MYO3A: variants seen among roughly 807,000 people sequenced by gnomAD.
MYO3A encodes myosin IIIA, also known as myosin-IIIa.
A neutral mutation model predicts 192.7 loss-of-function variants in MYO3A; 180 were observed. The observed-to-expected ratio is 0.93, with a 90% CI of 0.83 to 1.06. The LOEUF (loss-of-function observed/expected upper bound fraction) is 1.06, where lower values mean the gene tolerates loss of function less well. MYO3A is among the 50% of genes least tolerant of loss of function. MYO3A has a pLI of 0.00. For synonymous variants in MYO3A, 628 were observed against 645.3 expected, an observed-to-expected ratio of 0.97 and a Z score of 0.41; for missense variants, 1,896 against 1,905.0, an observed-to-expected ratio of 1.00 and a Z score of 0.09.
At chr10:26,198,866 C>T (rs1373276431) in intron 32 of MYO3A, among the ~76,000 whole-genome samples, 1 of 152,160 alleles carries the variant, frequency 6.6e-6, no homozygotes, top group African/African-American at 2.4e-5. Context: ...TGCCATGGGA[C>T]ATTTGCTTCT....
At chr10:26,141,506 C>T (rs1840164820) in intron 20 of MYO3A, among the ~76,000 whole-genome samples, 1 of 152,088 alleles carries the variant, frequency 6.6e-6, no homozygotes, top group Non-Finnish European at 1.5e-5. Flanking sequence ...CTGTGTAACC[C>T]GCCACAAAAA....
chr10:26,058,371 A>G (rs532253886), intron 10 of MYO3A, among the ~76,000 whole-genome samples: 2 of 152,164 alleles, frequency 1.3e-5, no homozygotes, highest in African/African-American at 4.8e-5. Flanking sequence ...ACTAGAATGT[A>G]TTTACCTATT....
intron 2 of MYO3A, among the ~76,000 whole-genome samples, chr10:25,949,676 C>T (rs1388591755): frequency 6.6e-6 from 1 of 151,980 alleles, no homozygotes; most frequent in Non-Finnish European, 1.5e-5. Flanking sequence ...GCCATTTACT[C>T]GATAATGTGC....
At chr10:26,110,170 T>G (rs1319669838) in intron 17 of MYO3A, among the ~76,000 whole-genome samples, 1 of 152,190 alleles carries the variant, frequency 6.6e-6, no homozygotes, top group Non-Finnish European at 1.5e-5. Flanking sequence ...TGAATCATGC[T>G]TTCTCTCCAT....
chr10:26,117,598 G>A (rs1455662429), intron 17 of MYO3A, among the ~76,000 whole-genome samples: 2 of 152,070 alleles, frequency 1.3e-5, no homozygotes, highest in African/African-American at 4.8e-5. Context: ...GCAGTATTTG[G>A]TTTTCTGTTC....
At chr10:25,973,469 A>C (rs1225878575) in intron 4 of MYO3A, among the ~76,000 whole-genome samples, 1 of 152,058 alleles carries the variant, frequency 6.6e-6, no homozygotes, top group Non-Finnish European at 1.5e-5. Flanking sequence ...AATACCCTTT[A>C]TTTCTTTCTC....
At chr10:26,038,162 T>C (rs755549085) in intron 10 of MYO3A, among the ~76,000 whole-genome samples, 2 of 152,186 alleles carry the variant, frequency 1.3e-5, no homozygotes, top group Non-Finnish European at 2.9e-5. Context: ...TATTTTTTGC[T>C]TATGATGGCT....
chr10:26,049,968 G>A lies in MYO3A; in HGVS notation c.954-17007G>A, dbSNP rs187724831. Among the ~76,000 whole-genome samples the A allele has an allele frequency of 5.1e-4, 77 of 150,844 alleles. 1 individual carries two copies. Among genetic ancestry groups the A allele is most frequent in the Admixed American group, 4.4e-3 (66 of 15,144 alleles). On this transcript the variant is annotated intron_variant, in intron 10 of 34. Coordinates refer to ENST00000642920, the MANE Select transcript of MYO3A (RefSeq NM_017433.5). The stretch of plus-strand genomic sequence containing the variant: ...GGATTACAGGCATGAGCCACCGCAC[G>A]CAGCTGAAATTCTTTCTACTTGTTT...
At chr10:26,088,428 C>T (rs199787939) in intron 15 of MYO3A, 23 bp downstream of exon 15, 1 of 1,599,194 alleles carries the variant, frequency 6.3e-7, no homozygotes, top group Admixed American at 1.7e-5. Flanking sequence ...CAAATCTCTC[C>T]TATTTTGGAG....
chr10:26,100,808 A>G (rs1183425169), intron 17 of MYO3A, among the ~76,000 whole-genome samples: 1 of 152,216 alleles, frequency 6.6e-6, no homozygotes, highest in African/African-American at 2.4e-5. Context: ...GGAGTGCTTT[A>G]CTTCCAACTA....
chr10:26,187,872 T>A (rs556795634), intron 31 of MYO3A, among the ~76,000 whole-genome samples: 1 of 152,296 alleles, frequency 6.6e-6, no homozygotes, highest in African/African-American at 2.4e-5. Flanking sequence ...GTGCCACATT[T>A]TCTTAGTCCA....
In MYO3A at chr10:26,125,503, A is replaced by C. The variant is rs1165596193; in HGVS notation, c.2009A>C (p.Lys670Thr). The stretch of plus-strand genomic sequence containing the variant: ...ATTATACGACCCAATACTGTAGAAA[A>C]AGCTACCGATGTCAGGGATGCCATG... ...ETIIRPNTVEKATDVRDAMAK... is the reference protein window; with the variant it reads ...ETIIRPNTVETATDVRDAMAK... The change falls in exon 19 of 35, where the codon AAA (lysine) becomes ACA (threonine). Residue 670 changes from lysine to threonine, a missense_variant. Transcript: ENST00000642920. 3 of 1,613,962 alleles carry C rather than the reference A, an allele frequency of 1.9e-6. No individual in the cohort carries two copies. In the African/African-American group the frequency reaches 4.0e-5, roughly 22 times the overall value.
At chr10:26,006,356 C>T (rs1181157384) in intron 6 of MYO3A, among the ~76,000 whole-genome samples, 2 of 152,094 alleles carry the variant, frequency 1.3e-5, no homozygotes, top group Non-Finnish European at 2.9e-5. Context: ...CAAAAGCTAG[C>T]AGAAGGCAAG....
chr10:26,192,807 C>T (rs11813048), intron 31 of MYO3A, among the ~76,000 whole-genome samples: 2,194 of 152,136 alleles, frequency 0.014, 65 homozygotes, highest in African/African-American at 0.051. Context: ...GTGCCCACCA[C>T]CACGCCTGAC....
chr10:26,143,962 G>A (rs950968888), intron 21 of MYO3A, among the ~76,000 whole-genome samples: 2 of 152,088 alleles, frequency 1.3e-5, no homozygotes, highest in African/African-American at 4.8e-5. Flanking sequence ...TTAACAGGTA[G>A]GAAATAAATT....
intron 11 of MYO3A, 23 bp from the exon 12 acceptor site, chr10:26,068,745 G>C (rs759037270): frequency 2.1e-6 from 3 of 1,431,210 alleles, no homozygotes. Flanking sequence ...TTAAGAAGGA[G>C]AAATTATTTT....
At chr10:26,020,659 T>G (rs1588795305) in intron 7 of MYO3A, among the ~76,000 whole-genome samples, 1 of 152,248 alleles carries the variant, frequency 6.6e-6, no homozygotes, top group Admixed American at 6.5e-5. Flanking sequence ...AAAATGGTTC[T>G]TAAAATGTAA....
At chr10:25,995,668 C>G (rs1840381524) in intron 4 of MYO3A, among the ~76,000 whole-genome samples, 1 of 152,216 alleles carries the variant, frequency 6.6e-6, no homozygotes, top group Non-Finnish European at 1.5e-5. Context: ...TGGTGACATA[C>G]AGATGGGGTT....
intron 17 of MYO3A, among the ~76,000 whole-genome samples, chr10:26,103,274 A>G (rs185395061): frequency 1.8e-3 from 267 of 152,338 alleles, no homozygotes; most frequent in Non-Finnish European, 2.2e-3. Flanking sequence ...CCGATTTTCC[A>G]GGTACCATCT....
Sources: gnomAD v4.1 joint callset for allele counts (sites outside exome capture counted in the v4.1 genomes callset) on GRCh38, gnomAD v4.1.1 for gene constraint, MANE v1.5 for transcripts, NCBI Gene and HGNC (gene_info 2026-07-23, HGNC 2026-07-21) for gene names.